The following PRKDC variants were observed in gnomAD, a reference collection of about 807,000 sequenced individuals.
PRKDC encodes the protein DNA-dependent protein kinase catalytic subunit.
In PRKDC, 82 loss-of-function variants were observed where a neutral mutation model predicts 486.9. The ratio of observed to expected loss-of-function variants is 0.17; its 90% CI spans 0.14 to 0.20. PRKDC has a LOEUF of 0.20. Ranked by LOEUF, PRKDC falls within the 10% of genes least tolerant of loss-of-function variation. The pLI is 1.00. For synonymous variants in PRKDC, 1,895 were observed against 1,837.0 expected (o/e 1.03, Z -0.81); for missense variants, 4,504 against 5,038.2 (o/e 0.89, Z 3.21).
Position 47,893,290 on chromosome 8 carries a change from G to A in PRKDC, c.3696C>T (p.Pro1232=), listed in dbSNP as rs1339467432. 6 of 1,610,388 alleles carry A rather than the reference G, an allele frequency of 3.7e-6. No individual in the cohort carries two copies. Among genetic ancestry groups the A allele is most frequent in the Non-Finnish European group, 4.2e-6 (5 of 1,177,720 alleles). ...GGGTGGGCTGGGCCAGGATGCCCGA[G>A]GGCTGGCCACAGCCACCCCCCTCAA... ...NTFEGGGCGQ[P]SGILAQPTLL... is the part of the protein sequence containing the mutation. The change falls in exon 31 of 86, where the codon CCC becomes CCT. Residue 1232 remains proline (P), a synonymous_variant. Coordinates refer to ENST00000314191, the MANE Select transcript of PRKDC (RefSeq NM_006904.7).
Position 47,863,371 on chromosome 8 carries a change from T to C in PRKDC, c.5750+28A>G, listed in dbSNP as rs1055010338. ...GTACCCAAAGCATTGATAAATAAAA[T>C]AGAATCCAAAATTAAGTAAAATCTT... On this transcript the variant is annotated intron_variant, in intron 42 of 85. Coordinates refer to ENST00000314191, the MANE Select transcript of PRKDC (RefSeq NM_006904.7). 4 of 1,532,014 alleles carry C rather than the reference T, an allele frequency of 2.6e-6. No individual in the cohort carries two copies. The African/African-American group carries it at 4.2e-5, about 16-fold the overall frequency. 94.9% of individuals were successfully genotyped at this position (1,532,014 alleles called of 1,614,324 possible).
At chr8:47,927,419 C>A in intron 20 of PRKDC, 66 bp from the exon 21 acceptor site, 1 of 1,494,956 alleles carries the variant, frequency 6.7e-7, no homozygotes, top group Non-Finnish European at 9.1e-7. Flanking sequence ...GAAAAAAACA[C>A]CAAGTAATTG....
At position 47,863,474 on chromosome 8, in the gene PRKDC, T is replaced by G. The variant is rs1365966182; in HGVS notation, c.5675A>C (p.Lys1892Thr). The part of the protein sequence containing the change: ...SRLPKDDVHA[K>T]ESKINQVFHG... ...GAAAACTTGATTAATTTTTGATTCC[T>G]TAGCATGAACATCATCTTTGGGAAG... The change falls in exon 42 of 86, where the codon AAG becomes ACG. Residue 1892 changes from lysine to threonine, a missense_variant. Lys to Thr is a moderately conservative substitution (Grantham distance 78, BLOSUM62 -1). This residue lies in a region of PRKDC where 80 missense variants were observed against 132.3 expected (regional missense o/e 0.60). Transcript: ENST00000314191. 1 of 1,612,362 alleles carries G rather than the reference T, an allele frequency of 6.2e-7. No homozygotes were observed. The highest frequency in any genetic ancestry group is 8.5e-7 in the Non-Finnish European group (1 of 1,179,004).
chr8:47,927,798 A>T lies in PRKDC; in HGVS notation c.2232T>A (p.Asp744Glu), dbSNP rs1236434163. The T allele has an allele frequency of 3.8e-6, 6 of 1,583,684 alleles. No homozygotes were observed. Among genetic ancestry groups the T allele is most frequent in the Non-Finnish European group, 4.3e-6 (5 of 1,167,586 alleles). The change falls in exon 20 of 86, where the codon GAT becomes GAA. Residue 744 changes from aspartate to glutamate, a missense_variant. Coordinates refer to ENST00000314191, the MANE Select transcript of PRKDC (RefSeq NM_006904.7). ...GCAGTGCAGGAACGTAGGCTCTAACATCGAGTTCAATGATGTTGTGTGGCA... is the reference window on the plus strand; with the variant it reads ...GCAGTGCAGGAACGTAGGCTCTAACTTCGAGTTCAATGATGTTGTGTGGCA... ...LSLPHNIIEL[D>E]VRAYVPALQM...
chr8:47,839,343 G>T (rs1253803791), intron 55 of PRKDC, 97 bp from the exon 56 acceptor site: 2 of 863,088 alleles, frequency 2.3e-6, no homozygotes, highest in Non-Finnish European at 3.7e-6. Flanking sequence ...ATTTTAAAAG[G>T]CTTGTTTTCC....
intron 40 of PRKDC, among the ~76,000 whole-genome samples, chr8:47,865,444 C>G (rs1433121664): frequency 6.6e-6 from 1 of 151,870 alleles, no homozygotes; most frequent in Non-Finnish European, 1.5e-5. Context: ...TACCAGTGAA[C>G]CACCATTGCT....
chr8:47,797,160 C>A (rs1401554181), intron 73 of PRKDC, among the ~76,000 whole-genome samples: 2 of 152,194 alleles, frequency 1.3e-5, no homozygotes, highest in African/African-American at 2.4e-5. Flanking sequence ...TCAGTCCACA[C>A]AGCTCATGTA....
intron 35 of PRKDC, 139 bp from the exon 36 acceptor site, chr8:47,886,286 A>G: frequency 1.7e-6 from 1 of 604,272 alleles, no homozygotes; most frequent in Non-Finnish European, 2.7e-6. Flanking sequence ...CCTGGATTCA[A>G]GCTGAAATTG....
At chr8:47,890,502 T>C in intron 31 of PRKDC, 22 bp from the exon 32 acceptor site, 2 of 1,443,070 alleles carry the variant, frequency 1.4e-6, no homozygotes, top group Non-Finnish European at 1.9e-6. Context: ...TATATTAAAG[T>C]ATTAATATAT....
At chr8:47,822,714 C>T (rs1242167267) in intron 64 of PRKDC, among the ~76,000 whole-genome samples, 1 of 152,074 alleles carries the variant, frequency 6.6e-6, no homozygotes, top group African/African-American at 2.4e-5. Flanking sequence ...GGCGTGAACC[C>T]GGAAGGCAGA....
chr8:47,923,120 A>T (rs1022158322), intron 21 of PRKDC, among the ~76,000 whole-genome samples: 1 of 151,544 alleles, frequency 6.6e-6, no homozygotes, highest in African/African-American at 2.4e-5. Context: ...CTGGAGTGCA[A>T]CGGCGTGATC....
At chr8:47,798,621 A>G (rs1224105290) in intron 72 of PRKDC, among the ~76,000 whole-genome samples, 2 of 152,156 alleles carry the variant, frequency 1.3e-5, no homozygotes, top group Non-Finnish European at 2.9e-5. Context: ...CACAGTTTGA[A>G]TCCTGGGCTG....
At chr8:47,946,710 C>T (rs1264850451) in intron 7 of PRKDC, among the ~76,000 whole-genome samples, 1 of 152,132 alleles carries the variant, frequency 6.6e-6, no homozygotes, top group Admixed American at 6.5e-5. Context: ...CTGCAAGATC[C>T]CCTGTTACAC....
chr8:47,898,412 A>G (rs1265189406), intron 29 of PRKDC, 58 bp downstream of exon 29: 5 of 1,333,968 alleles, frequency 3.7e-6, no homozygotes, highest in African/African-American at 1.5e-5. Flanking sequence ...GTCCTTCATT[A>G]GCTGTGAATT....
At chr8:47,946,657 G>A (rs559769186) in intron 7 of PRKDC, among the ~76,000 whole-genome samples, 1 of 152,148 alleles carries the variant, frequency 6.6e-6, no homozygotes, top group Non-Finnish European at 1.5e-5. Flanking sequence ...TACTACCTAC[G>A]TGATGAAGAC....
rs374408346 is a variant in PRKDC, at chr8:47,886,014, G to A, written c.4706C>T (p.Thr1569Met). 4.5e-5 allele frequency: 72 copies of A among 1,613,866 alleles called. No homozygotes were observed. In the African/African-American group the frequency reaches 7.7e-4, roughly 17 times the overall value. Reference sequence around the variant, plus strand: ...AAGATCCAGATTTTTCAATAATTCCGTGTTGATCGTTTCTGAGAACAAGCT... The same window carrying A: ...AAGATCCAGATTTTTCAATAATTCCATGTTGATCGTTTCTGAGAACAAGCT... ...FYSLFSETIN[T>M]ELLKNLDLAV... The change falls in exon 36 of 86, where the codon ACG becomes ATG. Residue 1569 changes from threonine (T) to methionine (M), a missense_variant. Coordinates refer to ENST00000314191, the MANE Select transcript of PRKDC (RefSeq NM_006904.7).
intron 73 of PRKDC, among the ~76,000 whole-genome samples, chr8:47,795,717 T>C (rs929063040): frequency 6.6e-6 from 1 of 151,822 alleles, no homozygotes; most frequent in African/African-American, 2.4e-5. Flanking sequence ...GGTCTTGAAC[T>C]CCTGACCTCA....
At chr8:47,936,779 G>A (rs1336463610) in intron 11 of PRKDC, among the ~76,000 whole-genome samples, 1 of 149,118 alleles carries the variant, frequency 6.7e-6, no homozygotes, top group Non-Finnish European at 1.5e-5. Flanking sequence ...ACCACGCCTG[G>A]CTATTTTTTT....
At chr8:47,875,849 G>A (rs2089080936) in intron 40 of PRKDC, among the ~76,000 whole-genome samples, 1 of 152,154 alleles carries the variant, frequency 6.6e-6, no homozygotes, top group Admixed American at 6.5e-5. Context: ...AAAGAATGCT[G>A]CAGGTATGCT....
Sources: gnomAD v4.1 joint callset for allele counts (sites outside exome capture counted in the v4.1 genomes callset) on GRCh38, gnomAD v4.1.1 for gene constraint, gnomAD v4.1.1 regional missense constraint, MANE v1.5 for transcripts, NCBI Gene and HGNC (gene_info 2026-07-23, HGNC 2026-07-21) for gene names.